The following CDKL5 variants were observed in gnomAD, a reference collection of about 807,000 sequenced individuals.
CDKL5 encodes cyclin dependent kinase like 5.
Under a neutral mutation model 61.7 loss-of-function variants are expected in CDKL5, and 8 were observed. The observed-to-expected ratio is 0.13, with a 90% confidence interval of 0.08 to 0.23. CDKL5 has a LOEUF of 0.23. CDKL5 is among the 10% of genes least tolerant of loss of function. The pLI is 1.00. For synonymous variants in CDKL5, 275 were observed against 272.3 expected (o/e 1.01, Z -0.10); for missense variants, 440 against 734.5 (o/e 0.60, Z 4.63).
chrX:18,472,253 G>A (rs1921121735), intron 1 of CDKL5, among the ~76,000 whole-genome samples: 1 of 111,612 alleles, frequency 9.0e-6, no homozygotes, highest in Non-Finnish European at 1.9e-5. Context: ...TTAAAATGCT[G>A]TACTTTGGAT....
At chrX:18,461,350 T>G (rs935313590) in intron 1 of CDKL5, among the ~76,000 whole-genome samples, 3 of 112,594 alleles carry the variant, frequency 2.7e-5, no homozygotes, top group Non-Finnish European at 5.6e-5. Flanking sequence ...ACTGTCCGAG[T>G]ATTTCCATCA....
intron 1 of CDKL5, among the ~76,000 whole-genome samples, chrX:18,475,966 T>C (rs1921293936): frequency 8.9e-6 from 1 of 112,257 alleles, no homozygotes; most frequent in South Asian, 3.6e-4. Flanking sequence ...GTAACTTGTG[T>C]AACTCAAGAT....
intron 11 of CDKL5, among the ~76,000 whole-genome samples, chrX:18,601,625 A>G (rs1395285693): frequency 8.9e-6 from 1 of 112,490 alleles, no homozygotes; most frequent in Non-Finnish European, 1.9e-5. Context: ...CCTAAGACAC[A>G]AACACTCAGA....
Position 18,573,448 on chromosome X carries a change from G to A in CDKL5, c.146-1906G>A, listed in dbSNP as rs148178638. 3.2e-3 allele frequency among the ~76,000 whole-genome samples: 360 copies of A among 112,040 alleles called. 1 individual carries two copies. Among genetic ancestry groups the A allele is most frequent in the Non-Finnish European group, 5.7e-3 (301 of 53,132 alleles). On this transcript the variant is annotated intron_variant, in intron 4 of 17. Coordinates refer to ENST00000623535, the MANE Select transcript of CDKL5 (RefSeq NM_001323289.2). ...CTGCAGCTACCTTAGCATTCTAACAGTCACAGAACACCACTGTTCTGGCTC... is the reference window on the plus strand; with the variant it reads ...CTGCAGCTACCTTAGCATTCTAACAATCACAGAACACCACTGTTCTGGCTC...
At chrX:18,561,064 A>C (rs961424705) in intron 3 of CDKL5, among the ~76,000 whole-genome samples, 3 of 111,314 alleles carry the variant, frequency 2.7e-5, no homozygotes, top group African/African-American at 9.8e-5. Flanking sequence ...TCTTGGAAAA[A>C]TATCCTAGTA....
intron 14 of CDKL5, among the ~76,000 whole-genome samples, chrX:18,611,291 C>T (rs1049124670): frequency 1.8e-5 from 2 of 109,604 alleles, no homozygotes; most frequent in African/African-American, 3.3e-5. Flanking sequence ...ATAAAATAGC[C>T]GGGTGTGGTG....
chrX:18,514,059 A>G (rs1922921171), intron 3 of CDKL5, among the ~76,000 whole-genome samples: 1 of 111,228 alleles, frequency 9.0e-6, no homozygotes. Flanking sequence ...AATTCTTAGC[A>G]TGTTGTATAT....
chrX:18,600,289 A>G (rs1222693475), intron 11 of CDKL5, among the ~76,000 whole-genome samples: 3 of 111,820 alleles, frequency 2.7e-5, no homozygotes, highest in Non-Finnish European at 5.6e-5. Context: ...TTCCCCTCAC[A>G]TCTTATAGAC....
rs150930516 is a variant in CDKL5, at chrX:18,538,012, G to A, written c.100-26465G>A. Among the ~76,000 whole-genome samples the A allele has an allele frequency of 6.6e-3, 737 of 111,813 alleles. 8 individuals carry two copies. Among genetic ancestry groups the A allele is most frequent in the African/African-American group, 0.022 (687 of 30,717 alleles). ...GAATGTAATGCTTTGTAAGAAACTGGTGTATACTTTTCCAGACTGGCTGTA... is the reference window on the plus strand; with the variant it reads ...GAATGTAATGCTTTGTAAGAAACTGATGTATACTTTTCCAGACTGGCTGTA... On this transcript the variant is annotated intron_variant, in intron 3 of 17. Coordinates refer to ENST00000623535, the MANE Select transcript of CDKL5 (RefSeq NM_001323289.2).
chrX:18,534,337 C>T (rs1282935848), intron 3 of CDKL5, among the ~76,000 whole-genome samples: 1 of 111,321 alleles, frequency 9.0e-6, no homozygotes, highest in African/African-American at 3.3e-5. Context: ...GCTCACTGAG[C>T]CTTTTTTCTG....
At chrX:18,497,957 A>G (rs1922240959) in intron 1 of CDKL5, among the ~76,000 whole-genome samples, 1 of 108,021 alleles carries the variant, frequency 9.3e-6, no homozygotes, top group African/African-American at 3.4e-5. Flanking sequence ...AGCTGGGACT[A>G]GAGGTGTTCG....
intron 1 of CDKL5, among the ~76,000 whole-genome samples, chrX:18,449,456 G>T (rs943249475): frequency 1.3e-4 from 14 of 111,469 alleles, no homozygotes; most frequent in African/African-American, 4.6e-4. Context: ...GTACACCTTT[G>T]ATCATTTTAT....
chrX:18,525,511 A>C (rs765579616), intron 3 of CDKL5, among the ~76,000 whole-genome samples: 70 of 111,301 alleles, frequency 6.3e-4, no homozygotes, highest in African/African-American at 2.2e-3. Flanking sequence ...ATTTTTCACC[A>C]ATACCATATT....
chrX:18,585,602 TC>T (rs1164271488), intron 8 of CDKL5, among the ~76,000 whole-genome samples: 1 of 111,745 alleles, frequency 8.9e-6, no homozygotes, highest in Non-Finnish European at 1.9e-5. Flanking sequence ...CAGAAAAAGG[TC>T]TTCTGATAAG....
chrX:18,548,257 G>A (rs745429252), intron 3 of CDKL5, among the ~76,000 whole-genome samples: 1 of 110,457 alleles, frequency 9.1e-6, no homozygotes, highest in Admixed American at 9.7e-5. Context: ...GGGATACTAT[G>A]AATTAAAGAA....
chrX:18,572,596 G>A lies in CDKL5; in HGVS notation c.146-2758G>A, dbSNP rs969634917. On this transcript the variant is annotated intron_variant, in intron 4 of 17. Transcript: ENST00000623535. ...GGGAGAAGAGAAAATTCAGTTTATC[G>A]TACTGCCTGATAAGCGGTGCTTGAG... Among the ~76,000 whole-genome samples the A allele has an allele frequency of 7.1e-5, 8 of 111,951 alleles. No individual in the cohort carries two copies. In the South Asian group the frequency reaches 2.6e-3, roughly 36 times the overall value.
intron 8 of CDKL5, among the ~76,000 whole-genome samples, chrX:18,586,176 T>TAA (rs1263335985): frequency 1.8e-5 from 2 of 111,789 alleles, no homozygotes; most frequent in African/African-American, 3.2e-5. Flanking sequence ...TAGGCAGAGT[T>TAA]TAGAGTTTTT....
At chrX:18,652,506 T>A (rs2147200312) in intron 21 of CDKL5, among the ~76,000 whole-genome samples, 1 of 111,383 alleles carries the variant, frequency 9.0e-6, no homozygotes, top group South Asian at 3.8e-4. Context: ...CCATCTCTAC[T>A]AAAAATACAA....
intron 1 of CDKL5, among the ~76,000 whole-genome samples, chrX:18,501,167 T>G (rs1421990042): frequency 9.0e-6 from 1 of 110,541 alleles, no homozygotes; most frequent in African/African-American, 3.3e-5. Context: ...TCCCAGTTTT[T>G]TTGTTTGTTT....
Sources: allele counts gnomAD v4.1 joint callset (sites outside exome capture counted in the v4.1 genomes callset), GRCh38; gene constraint gnomAD v4.1.1; transcripts MANE v1.5; gene names NCBI Gene and HGNC (gene_info 2026-07-23, HGNC 2026-07-21).